Variants in RFX3 observed in about 807,000 individuals in gnomAD.
The protein encoded by RFX3 is transcription factor RFX3.
RFX3 carries 14 observed loss-of-function variants against 98.6 expected under a neutral mutation model. The ratio of observed to expected loss-of-function variants is 0.14; its 90% CI spans 0.09 to 0.22. The LOEUF (loss-of-function observed/expected upper bound fraction) is 0.22. Among genes scored for constraint, RFX3 ranks in the 10% least tolerant of loss-of-function variants. The pLI is 1.00. For missense variants in RFX3, 639 were observed against 926.9 expected (o/e 0.69, Z 4.03); for synonymous variants, 383 against 328.4 (o/e 1.17, Z -1.80).
At chr9:3,276,855 A>G (rs924923273) in intron 8 of RFX3, among the ~76,000 whole-genome samples, 3 of 152,100 alleles carry the variant, frequency 2.0e-5, no homozygotes, top group Non-Finnish European at 4.4e-5. Context: ...AACTCTTTCA[A>G]TAACAAGAAA....
chr9:3,387,681 A>G lies in RFX3; in HGVS notation c.117+7791T>C, dbSNP rs528952630. Among the ~76,000 whole-genome samples the G allele has an allele frequency of 3.9e-5, 6 of 152,126 alleles. No homozygotes were observed. In the Middle Eastern group the frequency reaches 0.01, roughly 259 times the overall value. ...GGAATTCATTTTAAAATATAACTCAATCTTTCAGGATGTCTGCCACAGTCT... is the reference window on the plus strand; with the variant it reads ...GGAATTCATTTTAAAATATAACTCAGTCTTTCAGGATGTCTGCCACAGTCT... On this transcript the variant is annotated intron_variant, in intron 2 of 16. Coordinates refer to ENST00000617270, the MANE Select transcript of RFX3 (RefSeq NM_001282116.2).
intron 1 of RFX3, among the ~76,000 whole-genome samples, chr9:3,451,833 G>GT (rs369638471): frequency 0.016 from 2,208 of 139,028 alleles, 38 homozygotes; most frequent in African/African-American, 0.043. Context: ...TATTTTAAAA[G>GT]TTTTTTTTTT....
chr9:3,392,844 G>T (rs999997199), intron 2 of RFX3, among the ~76,000 whole-genome samples: 3 of 152,028 alleles, frequency 2.0e-5, no homozygotes, highest in African/African-American at 7.2e-5. Context: ...AAAAATAAAT[G>T]AGTTTTACAG....
intron 7 of RFX3, among the ~76,000 whole-genome samples, chr9:3,280,817 G>T (rs897306851): frequency 4.0e-5 from 6 of 151,736 alleles, no homozygotes; most frequent in Non-Finnish European, 7.4e-5. Flanking sequence ...TAAGTAGGTA[G>T]TACAGCCTAA....
intron 2 of RFX3, among the ~76,000 whole-genome samples, chr9:3,353,986 C>T (rs1486211533): frequency 6.6e-6 from 1 of 151,814 alleles, no homozygotes; most frequent in Non-Finnish European, 1.5e-5. Context: ...AAAGAAGAAC[C>T]AAGTACTATT....
At chr9:3,342,003 G>C (rs1833942317) in intron 3 of RFX3, among the ~76,000 whole-genome samples, 1 of 152,184 alleles carries the variant, frequency 6.6e-6, no homozygotes, top group African/African-American at 2.4e-5. Flanking sequence ...AAGAGATTGA[G>C]AGATTGAAGA....
At chr9:3,262,896 C>A in intron 13 of RFX3, 39 bp downstream of exon 13, 1 of 1,596,598 alleles carries the variant, frequency 6.3e-7, no homozygotes, top group Non-Finnish European at 8.6e-7. Flanking sequence ...AATTGGGTAT[C>A]TTTCCTTAAG....
chr9:3,220,592 T>C lies in RFX3; in HGVS notation c.*4450A>G, dbSNP rs1300579073. 6.6e-6 allele frequency: 1 copy of C among 151,848 alleles called. No individual in the cohort carries two copies. The highest frequency in any genetic ancestry group is 6.6e-5 in the Admixed American group (1 of 15,202). The allele number at this position is 151,848 out of a possible 1,614,324, so 9.4% of individuals were successfully genotyped here. ...CCTCTTGAAGAAAAATTAAGAGTTG[T>C]ATATAAAATGCAAGTGTTCGGCGTG... On this transcript the variant is annotated 3_prime_UTR_variant, in exon 17 of 17. Coordinates refer to ENST00000617270, the MANE Select transcript of RFX3 (RefSeq NM_001282116.2).
At chr9:3,436,412 T>G (rs1235051624) in intron 1 of RFX3, among the ~76,000 whole-genome samples, 1 of 152,088 alleles carries the variant, frequency 6.6e-6, no homozygotes, top group Admixed American at 6.6e-5. Context: ...ATCTTCAAGT[T>G]TTTAATAACT....
chr9:3,427,432 A>G (rs1359777403), intron 1 of RFX3, among the ~76,000 whole-genome samples: 1 of 143,830 alleles, frequency 7.0e-6, no homozygotes, highest in Non-Finnish European at 1.5e-5. Context: ...TACAATATAT[A>G]AATATATATT....
At chr9:3,341,140 A>C (rs575927199) in intron 3 of RFX3, among the ~76,000 whole-genome samples, 1 of 152,302 alleles carries the variant, frequency 6.6e-6, no homozygotes, top group East Asian at 1.9e-4. Flanking sequence ...CATTCTCAGC[A>C]AACTATCGCA....
intron 2 of RFX3, among the ~76,000 whole-genome samples, chr9:3,348,568 CATT>C (rs946050633): frequency 2.0e-5 from 3 of 151,898 alleles, no homozygotes; most frequent in African/African-American, 7.2e-5. Flanking sequence ...AAATTCCTCT[CATT>C]AATTATTTAG....
At chr9:3,319,706 A>C (rs1831032631) in intron 4 of RFX3, among the ~76,000 whole-genome samples, 1 of 152,166 alleles carries the variant, frequency 6.6e-6, no homozygotes, top group Middle Eastern at 3.2e-3. Flanking sequence ...GCTATTTGTG[A>C]ATTTGTATTT....
intron 1 of RFX3, among the ~76,000 whole-genome samples, chr9:3,445,304 A>C (rs1365458363): frequency 6.6e-6 from 1 of 152,210 alleles, no homozygotes; most frequent in East Asian, 1.9e-4. Flanking sequence ...TAAGCAGTTA[A>C]GAGTTCAATG....
chr9:3,379,825 G>C (rs1354977543), intron 2 of RFX3, among the ~76,000 whole-genome samples: 1 of 152,076 alleles, frequency 6.6e-6, no homozygotes, highest in African/African-American at 2.4e-5. Context: ...TTTGCAGTTT[G>C]CAGAGCACCA....
chr9:3,484,518 T>C (rs1200394936), intron 1 of RFX3, among the ~76,000 whole-genome samples: 1 of 152,076 alleles, frequency 6.6e-6, no homozygotes, highest in African/African-American at 2.4e-5. Flanking sequence ...TGCAAGAAAA[T>C]AATGTATCTG....
At chr9:3,387,383 T>A (rs1316725184) in intron 2 of RFX3, among the ~76,000 whole-genome samples, 1 of 152,148 alleles carries the variant, frequency 6.6e-6, no homozygotes, top group African/African-American at 2.4e-5. Flanking sequence ...AAAATTTTTT[T>A]AATTACTTAA....
At chr9:3,287,035 T>C (rs1489199758) in intron 7 of RFX3, among the ~76,000 whole-genome samples, 1 of 151,942 alleles carries the variant, frequency 6.6e-6, no homozygotes, top group African/African-American at 2.4e-5. Context: ...CCAGACTGTA[T>C]TCCATTTTTT....
intron 1 of RFX3, among the ~76,000 whole-genome samples, chr9:3,521,538 T>C (rs1407678450): frequency 1.3e-5 from 2 of 152,180 alleles, no homozygotes; most frequent in African/African-American, 2.4e-5. Flanking sequence ...ATAAGAAATA[T>C]AAAATTCCCA....
Sources: allele counts gnomAD v4.1 joint callset (sites outside exome capture counted in the v4.1 genomes callset), GRCh38; gene constraint gnomAD v4.1.1; transcripts MANE v1.5; gene names NCBI Gene and HGNC (gene_info 2026-07-23, HGNC 2026-07-21).